TUBGCP3: variants seen among roughly 807,000 people sequenced by gnomAD.
TUBGCP3 encodes the protein gamma-tubulin complex component 3.
TUBGCP3 carries 50 observed loss-of-function variants against 123.1 expected under a neutral mutation model. The observed-to-expected ratio is 0.41, with a 90% CI of 0.32 to 0.51. TUBGCP3 has a LOEUF of 0.51. Among genes scored for constraint, TUBGCP3 ranks in the 20% least tolerant of loss-of-function variants. The pLI is 0.36. For synonymous variants in TUBGCP3, 405 were observed against 413.9 expected (o/e 0.98, Z 0.26); for missense variants, 882 against 1,127.0 (o/e 0.78, Z 3.11).
chr13:112,580,197 A>G (rs1300570383), intron 1 of TUBGCP3, among the ~76,000 whole-genome samples: 3 of 152,344 alleles, frequency 2.0e-5, no homozygotes, highest in African/African-American at 7.2e-5. Context: ...AATCACTGTG[A>G]ACCTAAACAC....
intron 20 of TUBGCP3, among the ~76,000 whole-genome samples, chr13:112,495,888 A>G (rs1880496275): frequency 6.6e-6 from 1 of 152,258 alleles, no homozygotes; most frequent in Non-Finnish European, 1.5e-5. Flanking sequence ...CAAGGACATT[A>G]CCACATAGAA....
At chr13:112,547,588 A>G in intron 10 of TUBGCP3, 32 bp downstream of exon 10, 1 of 1,452,048 alleles carries the variant, frequency 6.9e-7, no homozygotes, top group South Asian at 1.5e-5. Context: ...CGCGCGTGGG[A>G]AAGACGTGCG....
upstream of TUBGCP3, among the ~76,000 whole-genome samples, chr13:112,590,707 G>C (rs1882868492): frequency 6.6e-6 from 1 of 152,208 alleles, no homozygotes; most frequent in South Asian, 2.1e-4. Flanking sequence ...AATCCAGTTA[G>C]TATGCAAAAT....
the TUBGCP3 span, among the ~76,000 whole-genome samples, chr13:112,595,699 G>A: frequency 4.6e-5 from 7 of 150,832 alleles, no homozygotes; most frequent in East Asian, 3.9e-4. Context: ...TCTACTATGC[G>A]ATTGTGATTG....
chr13:112,594,174 G>A, the TUBGCP3 span, among the ~76,000 whole-genome samples: 5 of 152,178 alleles, frequency 3.3e-5, no homozygotes, highest in Non-Finnish European at 7.3e-5. Flanking sequence ...TACAAGGCCA[G>A]TATTAACCTG....
rs780870541 is a variant in TUBGCP3, at chr13:112,519,835, A to C, written c.1881+51T>G. On this transcript the variant is annotated intron_variant, in intron 15 of 21. Coordinates refer to ENST00000261965, the MANE Select transcript of TUBGCP3 (RefSeq NM_006322.6). The surrounding 1 kb of genome is among the most constrained non-coding windows in gnomAD (Gnocchi z 6.2). ...AACACTCGCTAGAACACCCCGGCCC[A>C]GTGGGTCCTCGGTGCCGGGGCGGCG... The C allele has an allele frequency of 3.0e-5, 47 of 1,590,154 alleles. No homozygotes were observed. Among genetic ancestry groups the C allele is most frequent in the Non-Finnish European group, 3.9e-5 (46 of 1,166,460 alleles).
At chr13:112,593,285 G>A in the TUBGCP3 span, among the ~76,000 whole-genome samples, 4 of 152,158 alleles carry the variant, frequency 2.6e-5, no homozygotes, top group African/African-American at 9.7e-5. Context: ...GGGCGTAGTT[G>A]TACGCACCTG....
chr13:112,550,853 C>T (rs1879506740), intron 8 of TUBGCP3, among the ~76,000 whole-genome samples: 3 of 152,214 alleles, frequency 2.0e-5, no homozygotes, highest in African/African-American at 4.8e-5. Flanking sequence ...AATCTCATCA[C>T]TTTGGGAGGC....
At chr13:112,579,163 C>T (rs1882087321) in intron 1 of TUBGCP3, among the ~76,000 whole-genome samples, 1 of 152,132 alleles carries the variant, frequency 6.6e-6, no homozygotes. Context: ...GGCAAACACA[C>T]ACACACACAC....
chr13:112,592,774 C>T (rs1044694184), upstream of TUBGCP3, among the ~76,000 whole-genome samples: 6 of 152,174 alleles, frequency 3.9e-5, no homozygotes, highest in African/African-American at 2.4e-5. The surrounding 1 kb of genome is among the most constrained non-coding windows in gnomAD (Gnocchi z 4.1). Flanking sequence ...ACCCAGGGCA[C>T]CCAGGTCCTT....
At position 112,516,383 on chromosome 13, in the gene TUBGCP3, T is replaced by G. The variant is rs1165880679; in HGVS notation, c.2086+57A>C. The G allele has an allele frequency of 2.0e-6, 3 of 1,469,434 alleles. No homozygotes were observed. In the African/African-American group the frequency reaches 4.3e-5, roughly 21 times the overall value. 91.0% of individuals were successfully genotyped at this position (1,469,434 alleles called of 1,614,324 possible). On this transcript the variant is annotated intron_variant, in intron 17 of 21. Transcript: ENST00000261965. The stretch of plus-strand genomic sequence containing the variant: ...CGGAGTTGCTGGAAACCGCACCCAG[T>G]GGGGGCTGGAGGCCGCTGGGAGTGT...
At chr13:112,551,244 C>G (rs1778127509) in intron 8 of TUBGCP3, among the ~76,000 whole-genome samples, 1 of 152,234 alleles carries the variant, frequency 6.6e-6, no homozygotes, top group Admixed American at 6.5e-5. Flanking sequence ...CAGAGCGCGG[C>G]AGCGCCACAC....
At chr13:112,547,776 T>C (rs747229763) in intron 9 of TUBGCP3, 24 bp from the exon 10 acceptor site, 6 of 1,433,328 alleles carry the variant, frequency 4.2e-6, no homozygotes, top group Non-Finnish European at 5.5e-6. Flanking sequence ...AAGATAGAAA[T>C]GTTTAAGTAC....
In TUBGCP3 at chr13:112,547,764, T is replaced by C. The variant is rs1014719759; in HGVS notation, c.1036-12A>G. The C allele has an allele frequency of 3.4e-6, 5 of 1,451,588 alleles. No homozygotes were observed. In the African/African-American group the frequency reaches 4.3e-5, roughly 12 times the overall value. The allele number at this position is 1,451,588 out of a possible 1,614,324, so 89.9% of individuals were successfully genotyped here. A position where few individuals can be genotyped will look rare whatever the true frequency, so the allele number is the denominator to read the frequency against. ...TCCTCTAGTTGTAGCTAAAAAACAA[T>C]AAAGATAGAAATGTTTAAGTACAAA... is the stretch of plus-strand genomic sequence containing the variant. On this transcript the variant is annotated splice_polypyrimidine_tract_variant and intron_variant, in intron 9 of 21. Transcript: ENST00000261965.
chr13:112,527,012 T>C lies in TUBGCP3; in HGVS notation c.1485A>G (p.Gln495=), dbSNP rs775492025. 2 of 1,614,194 alleles carry C rather than the reference T, an allele frequency of 1.2e-6. No individual in the cohort carries two copies. Among genetic ancestry groups the C allele is most frequent in the Non-Finnish European group, 1.7e-6 (2 of 1,180,016 alleles). ...LIGKSINFLH[Q]VCHDQTPTTK... is the part of the protein sequence containing the mutation. Reference sequence around the variant, plus strand: ...TAGTGGGAGTCTGATCATGACAAACTTGGTGCAAGAAATTTATTGATTTTC... The same window carrying C: ...TAGTGGGAGTCTGATCATGACAAACCTGGTGCAAGAAATTTATTGATTTTC... The change falls in exon 13 of 22, where the codon CAA becomes CAG. Residue 495 remains glutamine (Q), a synonymous_variant. Coordinates refer to ENST00000261965, the MANE Select transcript of TUBGCP3 (RefSeq NM_006322.6).
At chr13:112,553,684 T>C (rs1271953606) in intron 8 of TUBGCP3, among the ~76,000 whole-genome samples, 17 of 152,068 alleles carry the variant, frequency 1.1e-4, no homozygotes, top group South Asian at 2.1e-4. Flanking sequence ...CAGCTGGGAG[T>C]GTCCCCTGTT....
At chr13:112,604,722 G>GTAA in the TUBGCP3 span, 1 of 152,210 alleles carries the variant, frequency 6.6e-6, no homozygotes, top group African/African-American at 2.4e-5. Flanking sequence ...GACAGCCCTG[G>GTAA]TAATGGGTTA....
intron 21 of TUBGCP3, among the ~76,000 whole-genome samples, chr13:112,488,899 C>G (rs1594389837): frequency 7.0e-6 from 1 of 142,134 alleles, no homozygotes; most frequent in African/African-American, 2.6e-5. Context: ...CAGGGGCCAC[C>G]CCCAGGTCCC....
At position 112,518,376 on chromosome 13, in the gene TUBGCP3, A is replaced by G. The variant is rs560530863; in HGVS notation, c.1950+599T>C. Among the ~76,000 whole-genome samples the G allele has an allele frequency of 1.1e-4, 16 of 152,342 alleles. No individual in the cohort carries two copies. The South Asian group carries it at 3.3e-3, about 32-fold the overall frequency. On this transcript the variant is annotated intron_variant, in intron 16 of 21. Transcript: ENST00000261965. ...TCCTTCTTCAGTATTTCAGATATAAAAATGACTGAAGTAAGTTTAGAGGGT... is the reference window on the plus strand; with the variant it reads ...TCCTTCTTCAGTATTTCAGATATAAGAATGACTGAAGTAAGTTTAGAGGGT...
Sources: gnomAD v4.1 joint callset for allele counts (sites outside exome capture counted in the v4.1 genomes callset) on GRCh38, gnomAD v4.1.1 for gene constraint, Gnocchi (gnomAD v3.1) non-coding constraint, MANE v1.5 for transcripts, NCBI Gene and HGNC (gene_info 2026-07-23, HGNC 2026-07-21) for gene names.